MGAT5: variants seen among roughly 807,000 people sequenced by gnomAD.
MGAT5 encodes alpha-1,6-mannosylglycoprotein 6-beta-N-acetylglucosaminyltransferase A.
A neutral mutation model predicts 94.3 loss-of-function variants in MGAT5; 30 were observed. That is an observed-to-expected ratio of 0.32 (90% CI 0.24 to 0.43). The LOEUF (loss-of-function observed/expected upper bound fraction) is 0.43. Ranked by LOEUF, MGAT5 falls within the 20% of genes least tolerant of loss-of-function variation. MGAT5 has a pLI of 1.00. For missense variants in MGAT5, 691 were observed against 905.5 expected, an observed-to-expected ratio of 0.76 and a Z score of 3.04; for synonymous variants, 310 against 322.9, an observed-to-expected ratio of 0.96 and a Z score of 0.43.
chr2:134,214,298 G>A (rs571647336), intron 1 of MGAT5, among the ~76,000 whole-genome samples: 1 of 151,950 alleles, frequency 6.6e-6, no homozygotes, highest in Non-Finnish European at 1.5e-5. Context: ...AGAAAATGAA[G>A]TGAGGGGCAT....
chr2:134,205,161 G>A (rs1172273930), intron 1 of MGAT5, among the ~76,000 whole-genome samples: 8 of 152,340 alleles, frequency 5.3e-5, no homozygotes, highest in Admixed American at 5.2e-4. Flanking sequence ...GCAGTGGCCA[G>A]ACCATGTAGG....
chr2:134,173,237 A>T (rs945258067), intron 1 of MGAT5, among the ~76,000 whole-genome samples: 8 of 152,138 alleles, frequency 5.3e-5, no homozygotes, highest in African/African-American at 1.9e-4. Flanking sequence ...TAGGAATGTG[A>T]CTTCATTTTA....
chr2:134,196,265 T>G (rs1573841784), intron 1 of MGAT5, among the ~76,000 whole-genome samples: 1 of 152,224 alleles, frequency 6.6e-6, no homozygotes, highest in Non-Finnish European at 1.5e-5. Context: ...CTTGGGAATT[T>G]ACCTATTGTT....
chr2:134,376,073 C>T (rs1050770581), intron 10 of MGAT5, among the ~76,000 whole-genome samples: 6 of 152,146 alleles, frequency 3.9e-5, no homozygotes, highest in African/African-American at 9.7e-5. Context: ...GTTCTCAAGG[C>T]GTGCTAAGGT....
chr2:134,418,581 G>A (rs1224126897), intron 12 of MGAT5, among the ~76,000 whole-genome samples: 2 of 152,210 alleles, frequency 1.3e-5, no homozygotes, highest in African/African-American at 4.8e-5. Context: ...CTCCAAATCT[G>A]ATATGAAAGA....
At position 134,209,161 on chromosome 2, in the gene MGAT5, T is replaced by A. The variant is rs1436089686; in HGVS notation, c.-142-45101T>A. On this transcript the variant is annotated intron_variant, in intron 1 of 16. Coordinates refer to the MGAT5 transcript ENST00000409645. The stretch of plus-strand genomic sequence containing the variant: ...GGCTTATTTTTTTTTTATTTTTTTT[T>A]TTTTTTTTATTTTTTTTTTTATTTT... Among the ~76,000 whole-genome samples the A allele has an allele frequency of 2.0e-3, 39 of 19,988 alleles. 12 individuals are homozygous for A. Among genetic ancestry groups the A allele is most frequent in the Middle Eastern group, 0.067 (2 of 30 alleles). The allele number at this position is 19,988 out of a possible 152,430, so 13.1% of individuals were successfully genotyped here.
intron 10 of MGAT5, among the ~76,000 whole-genome samples, chr2:134,395,506 C>A (rs999711830): frequency 6.6e-6 from 1 of 152,164 alleles, no homozygotes; most frequent in Non-Finnish European, 1.5e-5. Context: ...TAGCTTGTCC[C>A]GTTTTATGGC....
At chr2:134,429,670 T>C (rs369916116) in intron 14 of MGAT5, among the ~76,000 whole-genome samples, 155 of 152,368 alleles carry the variant, frequency 1.0e-3, no homozygotes, top group African/African-American at 3.4e-3. Flanking sequence ...TAATACATTA[T>C]GCTATATTGT....
intron 1 of MGAT5, among the ~76,000 whole-genome samples, chr2:134,170,771 TTTTCCCTGG>T (rs1688164004): frequency 6.6e-6 from 1 of 152,176 alleles, no homozygotes; most frequent in Non-Finnish European, 1.5e-5. Flanking sequence ...ATGGACATAT[TTTTCCCTGG>T]TTTCTTTTTT....
intron 2 of MGAT5, among the ~76,000 whole-genome samples, chr2:134,291,739 T>C (rs1685379112): frequency 6.6e-6 from 1 of 152,218 alleles, no homozygotes; most frequent in South Asian, 2.1e-4. Context: ...ACTTATTTGA[T>C]ACTGTGAGAA....
chr2:134,132,238 C>T (rs1686210755), intron 1 of MGAT5, among the ~76,000 whole-genome samples: 1 of 152,082 alleles, frequency 6.6e-6, no homozygotes, highest in African/African-American at 2.4e-5. Context: ...GCCCCTTTTT[C>T]CCTTTTTAGA....
At chr2:134,372,624 C>T (rs1047961600) in intron 10 of MGAT5, among the ~76,000 whole-genome samples, 1 of 152,146 alleles carries the variant, frequency 6.6e-6, no homozygotes, top group Non-Finnish European at 1.5e-5. Flanking sequence ...TAGAGCAGGC[C>T]ACTCATGGTA....
chr2:134,248,311 A>AT (rs1682396244), intron 1 of MGAT5, among the ~76,000 whole-genome samples: 1 of 152,194 alleles, frequency 6.6e-6, no homozygotes, highest in Non-Finnish European at 1.5e-5. Flanking sequence ...CATTGCCGGC[A>AT]TTTCTTGTCT....
chr2:134,249,385 C>T (rs1682461220), upstream of MGAT5, among the ~76,000 whole-genome samples: 1 of 152,074 alleles, frequency 6.6e-6, no homozygotes, highest in South Asian at 2.1e-4. Flanking sequence ...ACCCTATACA[C>T]CTTAGCTATC....
chr2:134,279,189 A>G (rs2105703502), intron 2 of MGAT5, among the ~76,000 whole-genome samples: 1 of 152,324 alleles, frequency 6.6e-6, no homozygotes, highest in East Asian at 1.9e-4. Context: ...GCTGATGGCC[A>G]TGCTTTCACT....
At chr2:134,332,603 T>C (rs1248809711) in intron 4 of MGAT5, among the ~76,000 whole-genome samples, 1 of 151,904 alleles carries the variant, frequency 6.6e-6, no homozygotes, top group African/African-American at 2.4e-5. Context: ...CTAATTAAAC[T>C]AAAGAACTTC....
chr2:134,439,645 C>T (rs1255316071), intron 14 of MGAT5, among the ~76,000 whole-genome samples: 3 of 152,054 alleles, frequency 2.0e-5, no homozygotes, highest in Admixed American at 6.6e-5. Flanking sequence ...AGCAGGGAAC[C>T]GAGATCGCAC....
At chr2:134,150,573 G>A (rs918530164) in intron 1 of MGAT5, among the ~76,000 whole-genome samples, 1 of 152,192 alleles carries the variant, frequency 6.6e-6, no homozygotes, top group Non-Finnish European at 1.5e-5. Context: ...CTTGTGCTGG[G>A]TTTGCTCCAT....
chr2:134,214,139 C>T (rs1680344445), intron 1 of MGAT5, among the ~76,000 whole-genome samples: 1 of 152,094 alleles, frequency 6.6e-6, no homozygotes, highest in South Asian at 2.1e-4. Context: ...TCATAATTTC[C>T]CAAGTGATAG....
Sources: gnomAD v4.1 joint callset for allele counts (sites outside exome capture counted in the v4.1 genomes callset) on GRCh38, gnomAD v4.1.1 for gene constraint, MANE v1.5 for transcripts, NCBI Gene and HGNC (gene_info 2026-07-23, HGNC 2026-07-21) for gene names.